The following FBXO36 variants were observed in gnomAD, a reference collection of about 807,000 sequenced individuals.
The protein encoded by FBXO36 is F-box only protein 36.
A neutral mutation model predicts 17.0 loss-of-function variants in FBXO36; 18 were observed. The observed-to-expected ratio is 1.06, with a 90% CI of 0.73 to 1.57. FBXO36 has a LOEUF of 1.57. Among genes scored for constraint, FBXO36 ranks in the 40% most tolerant of loss-of-function variants. The pLI, the probability that FBXO36 is intolerant of heterozygous loss-of-function variation, is 0.00. For missense variants in FBXO36, 229 were observed against 221.9 expected (o/e 1.03, Z -0.20); for synonymous variants, 83 against 85.3 (o/e 0.97, Z 0.15).
intron 1 of FBXO36, among the ~76,000 whole-genome samples, chr2:229,926,068 T>C (rs1307122819): frequency 6.7e-6 from 1 of 150,062 alleles, no homozygotes; most frequent in Non-Finnish European, 1.5e-5. Flanking sequence ...GGTGGGAGGA[T>C]TGCTTGAACT....
At position 229,954,234 on chromosome 2, in the gene FBXO36, AT is replaced by A. The variant is rs60093081; in HGVS notation, c.97-21981del. ...GCAACTGTCATTACAAACCCTTTGG[AT>A]TTTTTTTTTTTTTTTTTTTTTTTTT... is the stretch of plus-strand genomic sequence containing the variant. On this transcript the variant is annotated intron_variant, in intron 1 of 3. Coordinates refer to ENST00000283946, the MANE Select transcript of FBXO36 (RefSeq NM_174899.5). Among the ~76,000 whole-genome samples, 308 of 71,348 alleles carry A rather than the reference AT, an allele frequency of 4.3e-3. 2 individuals are homozygous for A. The highest frequency in any genetic ancestry group is 0.013 in the African/African-American group (267 of 20,550). The allele number at this position is 71,348 out of a possible 152,430, so 46.8% of individuals were successfully genotyped here.
Position 230,011,896 on chromosome 2 carries a change from G to A in FBXO36, c.*1012G>A, listed in dbSNP as rs955217117. The A allele has an allele frequency of 2.6e-5, 4 of 151,258 alleles. No homozygotes were observed. Among genetic ancestry groups the A allele is most frequent in the East Asian group, 3.9e-4 (2 of 5,192 alleles). The allele number at this position is 151,258 out of a possible 1,614,324, so 9.4% of individuals were successfully genotyped here. On this transcript the variant is annotated 3_prime_UTR_variant, in exon 4 of 4. Coordinates refer to ENST00000283946, the MANE Select transcript of FBXO36 (RefSeq NM_174899.5). ...TTGCATGCTGTTAACATGGCAGAGGGGTAAAAAGAATACAGTCCTGGGGAG... is the reference window on the plus strand; with the variant it reads ...TTGCATGCTGTTAACATGGCAGAGGAGTAAAAAGAATACAGTCCTGGGGAG...
At chr2:230,006,105 G>GTTTTTTTT (rs577192144) in intron 3 of FBXO36, among the ~76,000 whole-genome samples, 33 of 124,652 alleles carry the variant, frequency 2.6e-4, no homozygotes, top group African/African-American at 1.0e-3. Flanking sequence ...TTTTATTTTA[G>GTTTTTTTT]TTTTTTTTTT....
At chr2:229,956,185 A>G (rs2077086342) in intron 1 of FBXO36, among the ~76,000 whole-genome samples, 1 of 152,182 alleles carries the variant, frequency 6.6e-6, no homozygotes, top group African/African-American at 2.4e-5. Flanking sequence ...ATAGAAATGT[A>G]TTTTCTCAGA....
intron 2 of FBXO36, among the ~76,000 whole-genome samples, chr2:229,988,986 T>C (rs1560451808): frequency 2.6e-5 from 4 of 152,056 alleles, no homozygotes; most frequent in Admixed American, 1.3e-4. Flanking sequence ...ATTCTAATGA[T>C]AAAAATTGGG....
chr2:229,976,539 G>A (rs745407760), intron 2 of FBXO36, 190 bp downstream of exon 2: 3 of 495,672 alleles, frequency 6.1e-6, no homozygotes, highest in Non-Finnish European at 7.1e-6. Flanking sequence ...ATTAGCATTT[G>A]GCCGGGCGCG....
intron 2 of FBXO36, among the ~76,000 whole-genome samples, chr2:229,994,720 G>A (rs2077316208): frequency 1.3e-5 from 2 of 152,208 alleles, no homozygotes; most frequent in Admixed American, 1.3e-4. Context: ...GGAGCTTTCA[G>A]AGTCAGAAGG....
At chr2:229,927,261 A>C (rs1465495032) in intron 1 of FBXO36, among the ~76,000 whole-genome samples, 1 of 152,216 alleles carries the variant, frequency 6.6e-6, no homozygotes, top group Admixed American at 6.5e-5. Flanking sequence ...TGATTTGTAA[A>C]AACACTTTAA....
chr2:230,006,205 C>T (rs1398568845), intron 3 of FBXO36, among the ~76,000 whole-genome samples: 3 of 150,692 alleles, frequency 2.0e-5, no homozygotes, highest in Non-Finnish European at 2.9e-5. Flanking sequence ...AAGCAATTCT[C>T]CTGCCTCAGC....
At chr2:229,955,445 G>A (rs1201658126) in intron 1 of FBXO36, among the ~76,000 whole-genome samples, 4 of 151,988 alleles carry the variant, frequency 2.6e-5, no homozygotes. Flanking sequence ...GAATCCAGGA[G>A]GTCAAGGCTG....
At chr2:229,972,712 C>T (rs908993398) in intron 1 of FBXO36, among the ~76,000 whole-genome samples, 4 of 152,154 alleles carry the variant, frequency 2.6e-5, no homozygotes, top group South Asian at 4.2e-4. Flanking sequence ...AGCCACCACG[C>T]CCAGCTCAAT....
At chr2:229,974,059 A>T (rs1334311512) in intron 1 of FBXO36, among the ~76,000 whole-genome samples, 1 of 152,196 alleles carries the variant, frequency 6.6e-6, no homozygotes, top group Non-Finnish European at 1.5e-5. Context: ...CAAAAACAAA[A>T]AGGAAGAAGA....
At chr2:230,008,678 G>A (rs1032577748) in intron 3 of FBXO36, among the ~76,000 whole-genome samples, 1 of 152,170 alleles carries the variant, frequency 6.6e-6, no homozygotes, top group South Asian at 2.1e-4. Flanking sequence ...AATGTACTGT[G>A]CTAGTAATGG....
chr2:230,011,103 C>A lies in FBXO36; in HGVS notation c.*219C>A. 2.0e-6 allele frequency: 1 copy of A among 501,874 alleles called. No individual in the cohort carries two copies. The highest frequency in any genetic ancestry group is 3.5e-6 in the Non-Finnish European group (1 of 282,088). The allele number at this position is 501,874 out of a possible 1,614,324, so 31.1% of individuals were successfully genotyped here. A position where few individuals can be genotyped will look rare whatever the true frequency, so the allele number is the denominator to read the frequency against. Reference sequence around the variant, plus strand: ...CTGAGGTCAAATCATGGCCCGAGGACAAGGGCTGTAAGACAGGGAGCCCCA... The same window carrying A: ...CTGAGGTCAAATCATGGCCCGAGGAAAAGGGCTGTAAGACAGGGAGCCCCA... On this transcript the variant is annotated 3_prime_UTR_variant, in exon 4 of 4. Coordinates refer to ENST00000283946, the MANE Select transcript of FBXO36 (RefSeq NM_174899.5).
chr2:229,943,498 G>A (rs533245184), intron 1 of FBXO36, among the ~76,000 whole-genome samples: 1 of 152,172 alleles, frequency 6.6e-6, no homozygotes, highest in Non-Finnish European at 1.5e-5. Flanking sequence ...ATAAGGCTGT[G>A]CAAGGCCAAG....
intron 1 of FBXO36, among the ~76,000 whole-genome samples, chr2:229,935,748 T>C (rs2076960621): frequency 6.6e-6 from 1 of 152,140 alleles, no homozygotes; most frequent in African/African-American, 2.4e-5. Flanking sequence ...GAATCATTTT[T>C]TAAAAAATGG....
intron 1 of FBXO36, among the ~76,000 whole-genome samples, chr2:229,925,022 G>T (rs557415314): frequency 6.6e-6 from 1 of 152,066 alleles, no homozygotes; most frequent in African/African-American, 2.4e-5. Flanking sequence ...GAGCCACCGC[G>T]CCCGGCCCTA....
At chr2:229,939,713 G>A (rs1294559442) in intron 1 of FBXO36, among the ~76,000 whole-genome samples, 2 of 152,106 alleles carry the variant, frequency 1.3e-5, no homozygotes, top group African/African-American at 2.4e-5. Flanking sequence ...TCTTCCACAC[G>A]TTGGTTCCCC....
At chr2:229,981,011 T>A (rs777583703) in intron 2 of FBXO36, among the ~76,000 whole-genome samples, 2 of 152,108 alleles carry the variant, frequency 1.3e-5, no homozygotes, top group Non-Finnish European at 2.9e-5. Flanking sequence ...TCCTCTGTCT[T>A]CAGAGGAAGG....
Sources: gnomAD v4.1 joint callset for allele counts (sites outside exome capture counted in the v4.1 genomes callset) on GRCh38, gnomAD v4.1.1 for gene constraint, MANE v1.5 for transcripts, NCBI Gene and HGNC (gene_info 2026-07-23, HGNC 2026-07-21) for gene names.